The following MORN4 variants were observed in gnomAD, a reference collection of about 807,000 sequenced individuals.
MORN4 encodes the protein MORN repeat containing 4.
Under a neutral mutation model 16.4 loss-of-function variants are expected in MORN4, and 8 were observed. The observed-to-expected ratio is 0.49, with a 90% CI of 0.29 to 0.88. The LOEUF (loss-of-function observed/expected upper bound fraction) is 0.88, where lower values mean the gene tolerates loss of function less well. Ranked by LOEUF, MORN4 falls within the 40% of genes least tolerant of loss-of-function variation. MORN4 has a pLI of 0.09. For missense variants in MORN4, 159 were observed against 182.9 expected (o/e 0.87, Z 0.75); for synonymous variants, 53 against 68.9 (o/e 0.77, Z 1.14).
Position 97,633,369 on chromosome 10 carries a change from A to G in MORN4, c.-53T>C, listed in dbSNP as rs746703635. 8.5e-6 allele frequency: 11 copies of G among 1,289,670 alleles called. No homozygotes were observed. The African/African-American group carries it at 1.5e-4, about 18-fold the overall frequency. The allele number at this position is 1,289,670 out of a possible 1,614,324, so 79.9% of individuals were successfully genotyped here. A position where few individuals can be genotyped will look rare whatever the true frequency, so the allele number is the denominator to read the frequency against. On this transcript the variant is annotated 5_prime_UTR_variant, in exon 1 of 5. Transcript: ENST00000307450. This position sits in a 1 kb window ranked among gnomAD's most constrained non-coding sequence, Gnocchi z 4.5. ...AACCTGGGGCCGGCCTTTCGGGATG[A>G]CCGTCACGCCTGGACGCAGGGTTCC... is the stretch of plus-strand genomic sequence containing the variant.
At chr10:97,627,138 CT>C (rs111799651) in intron 1 of MORN4, among the ~76,000 whole-genome samples, 20,838 of 145,730 alleles carry the variant, frequency 0.14, 3,565 homozygotes, top group African/African-American at 0.4. Context: ...ACCTGAACAC[CT>C]TTTTTTTTTT....
intron 1 of MORN4, among the ~76,000 whole-genome samples, chr10:97,625,969 C>T (rs1177172906): frequency 6.6e-6 from 1 of 152,144 alleles, no homozygotes; most frequent in Admixed American, 6.5e-5. Context: ...CTATGTTGCC[C>T]AGGCTAATCT....
At chr10:97,621,937 A>G (rs1037735819) in intron 1 of MORN4, among the ~76,000 whole-genome samples, 6 of 152,030 alleles carry the variant, frequency 3.9e-5, no homozygotes, top group African/African-American at 1.4e-4. Context: ...CTTGTTCTAG[A>G]TAATGGAATG....
chr10:97,629,753 TTTTG>T (rs900515231), intron 1 of MORN4, among the ~76,000 whole-genome samples: 25 of 152,064 alleles, frequency 1.6e-4, no homozygotes, highest in Admixed American at 2.6e-4. Context: ...GGTGTTTTTT[TTTTG>T]TTTGTTTGTT....
chr10:97,624,505 A>G (rs1018551054), intron 1 of MORN4, among the ~76,000 whole-genome samples: 1 of 152,140 alleles, frequency 6.6e-6, no homozygotes, highest in Non-Finnish European at 1.5e-5. Flanking sequence ...TGCAGTCTCA[A>G]ACTTCTGGGC....
chr10:97,619,990 C>T (rs1190562966), intron 1 of MORN4, among the ~76,000 whole-genome samples: 3 of 152,068 alleles, frequency 2.0e-5, no homozygotes, highest in South Asian at 4.2e-4. Flanking sequence ...TGTGCTCAGT[C>T]GATGTATAAA....
At chr10:97,626,775 T>TTA (rs34437847) in intron 1 of MORN4, among the ~76,000 whole-genome samples, 1 of 124,328 alleles carries the variant, frequency 8.0e-6, no homozygotes, top group African/African-American at 3.6e-5. Context: ...TTTTTTTTTT[T>TTA]AGACAGAGTT....
At chr10:97,617,382 A>C (rs1589917420) in intron 2 of MORN4, 60 bp from the exon 3 acceptor site, 1 of 1,285,612 alleles carries the variant, frequency 7.8e-7, no homozygotes. Context: ...GTCCCTTCTT[A>C]CTCTTGTAGC....
At chr10:97,622,471 A>G (rs1165474327) in intron 1 of MORN4, among the ~76,000 whole-genome samples, 1 of 152,042 alleles carries the variant, frequency 6.6e-6, no homozygotes, top group Non-Finnish European at 1.5e-5. Flanking sequence ...GGACCACTTG[A>G]GCTCAGGAGT....
intron 1 of MORN4, among the ~76,000 whole-genome samples, chr10:97,620,488 C>CAAAAAAAAAAA (rs1210683127): frequency 3.1e-3 from 121 of 39,562 alleles, no homozygotes; most frequent in South Asian, 3.6e-3. Flanking sequence ...GACTCTGTCT[C>CAAAAAAAAAAA]AAAAAAAAAA....
Position 97,616,777 on chromosome 10 carries a change from C to G in MORN4, c.193G>C (p.Glu65Gln). 2 of 1,611,454 alleles carry G rather than the reference C, an allele frequency of 1.2e-6. No individual in the cohort carries two copies. Among genetic ancestry groups the G allele is most frequent in the East Asian group, 2.2e-5 (1 of 44,876 alleles). Residue 65 changes from glutamate (E) to glutamine (Q), a missense_variant, in exon 4 of 5, where the codon GAG (glutamate) becomes CAG (glutamine). Transcript: ENST00000307450. ...CCATTAAACTTGCCCTGGGCAAACT[C>G]CCCCTCATACCTGCAGAAACACCAA... ...TFSDGSRYEG[E>Q]FAQGKFNGVG... is the part of the protein sequence containing the mutation.
In MORN4 at chr10:97,633,328, T is replaced by G. The variant is rs1004258561; in HGVS notation, c.-31+19A>C. On this transcript the variant is annotated intron_variant, in intron 1 of 4. Coordinates refer to ENST00000307450, the MANE Select transcript of MORN4 (RefSeq NM_178832.4). This position sits in a 1 kb window ranked among gnomAD's most constrained non-coding sequence, Gnocchi z 4.5. The stretch of plus-strand genomic sequence containing the variant: ...TCACACTCTTTCCCGGCCCCCTCCC[T>G]CCTGCGCCTCCAGCCAACCTGGGGC... The G allele has an allele frequency of 1.6e-6, 2 of 1,289,004 alleles. No individual in the cohort carries two copies. Among genetic ancestry groups the G allele is most frequent in the Admixed American group, 4.6e-5 (2 of 43,512 alleles). The allele number at this position is 1,289,004 out of a possible 1,614,324, so 79.8% of individuals were successfully genotyped here. A position where few individuals can be genotyped will look rare whatever the true frequency, so the allele number is the denominator to read the frequency against.
chr10:97,634,087 G>T (rs2041420836), upstream of MORN4, among the ~76,000 whole-genome samples: 1 of 152,136 alleles, frequency 6.6e-6, no homozygotes, highest in Non-Finnish European at 1.5e-5. Context: ...GGAGGCTTGA[G>T]CCCAAGAGTT....
chr10:97,620,495 AAAAAAAAAAAAAG>A (rs2041279654), intron 1 of MORN4, among the ~76,000 whole-genome samples: 1 of 135,520 alleles, frequency 7.4e-6, no homozygotes, highest in East Asian at 2.1e-4. Context: ...TCTCAAAAAA[AAAAAAAAAAAAAG>A]AAAAAAAAAA....
chr10:97,616,135 G>T lies in MORN4; in HGVS notation c.*128C>A. On this transcript the variant is annotated 3_prime_UTR_variant, in exon 5 of 5. Coordinates refer to ENST00000307450, the MANE Select transcript of MORN4 (RefSeq NM_178832.4). ...CAGTTCTGGAATGGCAGGTGACAGG[G>T]CACATACAAGGCCTCTGCTCCACTG... 2 of 930,624 alleles carry T rather than the reference G, an allele frequency of 2.1e-6. No individual in the cohort carries two copies. Among genetic ancestry groups the T allele is most frequent in the Non-Finnish European group, 1.5e-6 (1 of 652,996 alleles). 57.6% of individuals were successfully genotyped at this position (930,624 alleles called of 1,614,324 possible).
chr10:97,630,859 CT>C (rs1029232144), intron 1 of MORN4, among the ~76,000 whole-genome samples: 97 of 147,190 alleles, frequency 6.6e-4, no homozygotes, highest in Middle Eastern at 3.5e-3. Flanking sequence ...AAGCCCAATA[CT>C]TTTTTTTTTT....
Position 97,633,250 on chromosome 10 carries a change from C to A in MORN4, c.-31+97G>T, listed in dbSNP as rs1054136610. On this transcript the variant is annotated intron_variant, in intron 1 of 4. Coordinates refer to ENST00000307450, the MANE Select transcript of MORN4 (RefSeq NM_178832.4). The surrounding 1 kb of genome is among the most constrained non-coding windows in gnomAD (Gnocchi z 4.5). ...GGTCAGCGTATCCGAGGTGGAGCCG[C>A]GCCCCCGAGCCGGGTCATCTCGTGC... 9.8e-6 allele frequency: 12 copies of A among 1,223,768 alleles called. No individual in the cohort carries two copies. The African/African-American group carries it at 1.9e-4, about 19-fold the overall frequency. The allele number at this position is 1,223,768 out of a possible 1,614,324, so 75.8% of individuals were successfully genotyped here.
intron 1 of MORN4, among the ~76,000 whole-genome samples, chr10:97,621,037 C>A (rs935113203): frequency 6.6e-6 from 1 of 152,018 alleles, no homozygotes; most frequent in South Asian, 2.1e-4. Context: ...AGGAGAATTG[C>A]TTGAACCCAG....
chr10:97,624,205 C>T (rs977291192), intron 1 of MORN4, among the ~76,000 whole-genome samples: 8 of 152,110 alleles, frequency 5.3e-5, no homozygotes, highest in Non-Finnish European at 1.0e-4. Context: ...AAAAGTGATG[C>T]TTTAAATGTT....
Sources: allele counts gnomAD v4.1 joint callset (sites outside exome capture counted in the v4.1 genomes callset), GRCh38; gene constraint gnomAD v4.1.1; non-coding constraint Gnocchi (gnomAD v3.1); transcripts MANE v1.5; gene names NCBI Gene and HGNC (gene_info 2026-07-23, HGNC 2026-07-21).